The following ANO3 variants were observed in gnomAD, a reference collection of about 807,000 sequenced individuals.
ANO3 encodes the protein anoctamin 3.
In ANO3, 99 loss-of-function variants were observed where a neutral mutation model predicts 144.8. The ratio of observed to expected loss-of-function variants is 0.68; its 90% CI spans 0.58 to 0.81. ANO3 has a LOEUF of 0.81. Ranked by LOEUF, ANO3 falls within the 30% of genes least tolerant of loss-of-function variation. The pLI is 0.00. For synonymous variants in ANO3, 414 were observed against 392.6 expected (o/e 1.05, Z -0.64); for missense variants, 905 against 1,202.2 (o/e 0.75, Z 3.66).
chr11:26,592,782 G>C (rs1292210695), intron 14 of ANO3, among the ~76,000 whole-genome samples: 1 of 151,604 alleles, frequency 6.6e-6, no homozygotes, highest in Non-Finnish European at 1.5e-5. Flanking sequence ...TGAAAGGTTT[G>C]GTGAAGGTTT....
chr11:26,544,273 T>TATATATATATATATATATATATACAC, intron 11 of ANO3, among the ~76,000 whole-genome samples: 66 of 58,490 alleles, frequency 1.1e-3, no homozygotes, highest in Non-Finnish European at 1.6e-3. Flanking sequence ...TATATATATA[T>TATATATATATATATATATATATACAC]ACACACATAC....
intron 1 of ANO3, among the ~76,000 whole-genome samples, chr11:26,372,167 T>C (rs748490677): frequency 1.3e-5 from 2 of 152,198 alleles, no homozygotes; most frequent in Non-Finnish European, 2.9e-5. Flanking sequence ...CATGCTCTTC[T>C]TGTGATAGTC....
At chr11:26,563,603 G>A (rs1444468455) in intron 14 of ANO3, among the ~76,000 whole-genome samples, 1 of 151,776 alleles carries the variant, frequency 6.6e-6, no homozygotes, top group Non-Finnish European at 1.5e-5. Flanking sequence ...ACTCCATTAA[G>A]ATCTAATATC....
chr11:26,601,506 C>G (rs1048802089), intron 17 of ANO3, among the ~76,000 whole-genome samples: 2 of 150,832 alleles, frequency 1.3e-5, no homozygotes, highest in African/African-American at 4.9e-5. Flanking sequence ...AATTTATGCT[C>G]TTGACTCATA....
At chr11:26,605,874 A>T (rs1049112999) in intron 17 of ANO3, among the ~76,000 whole-genome samples, 1 of 76,688 alleles carries the variant, frequency 1.3e-5, no homozygotes, top group Non-Finnish European at 3.3e-5. Flanking sequence ...TTAATCTTTT[A>T]AAAAAAAACC....
chr11:26,443,135 GCTT>G (rs1858581583), intron 2 of ANO3, among the ~76,000 whole-genome samples: 1 of 151,992 alleles, frequency 6.6e-6, no homozygotes, highest in Non-Finnish European at 1.5e-5. Flanking sequence ...CCATATGGTT[GCTT>G]CTTTTTCTGG....
intron 14 of ANO3, among the ~76,000 whole-genome samples, chr11:26,575,355 G>T (rs1021471301): frequency 4.0e-5 from 6 of 151,542 alleles, no homozygotes; most frequent in Non-Finnish European, 7.4e-5. Flanking sequence ...TTAAACAATT[G>T]CTATCTCATT....
In ANO3 at chr11:26,565,625, G is replaced by T. The variant is rs985596895; in HGVS notation, c.1447+5846G>T. ...AATCTGTTATTCCGTGGCTGTTGTT[G>T]GGTAGATTCAAAGGAGGGGAATGAC... On this transcript the variant is annotated intron_variant, in intron 14 of 26. Transcript: ENST00000256737. 2.5e-6 allele frequency: 4 copies of T among 1,612,162 alleles called. No homozygotes were observed. In the African/African-American group the frequency reaches 5.4e-5, roughly 22 times the overall value.
At chr11:26,283,226 T>C (rs1032393378) in intron 1 of ANO3, among the ~76,000 whole-genome samples, 6 of 150,026 alleles carry the variant, frequency 4.0e-5, no homozygotes, top group Non-Finnish European at 8.9e-5. Flanking sequence ...TCACATTTTT[T>C]CGTGTAGGAG....
At chr11:26,425,521 C>T (rs1388231823) in intron 1 of ANO3, among the ~76,000 whole-genome samples, 1 of 151,946 alleles carries the variant, frequency 6.6e-6, no homozygotes, top group Middle Eastern at 3.4e-3. Flanking sequence ...TTTTTTTTAT[C>T]TTAAGGTAAA....
intron 1 of ANO3, among the ~76,000 whole-genome samples, chr11:26,347,034 A>C (rs958024613): frequency 2.1e-4 from 32 of 152,344 alleles, no homozygotes; most frequent in African/African-American, 7.5e-4. Context: ...ATGTTTTGGA[A>C]GTATTTTAAT....
intron 12 of ANO3, 84 bp downstream of exon 12, chr11:26,547,634 A>T (rs972063928): frequency 1.3e-5 from 17 of 1,310,086 alleles, no homozygotes; most frequent in Non-Finnish European, 4.3e-6. Flanking sequence ...ACTATAAAAA[A>T]TCAAATGGTT....
rs558335626 is a variant in ANO3 at position 26,401,680 on chromosome 11, C to T, written c.47-40238C>T. Among the ~76,000 whole-genome samples the T allele has an allele frequency of 1.7e-4, 26 of 152,030 alleles. No individual in the cohort carries two copies. In the South Asian group the frequency reaches 3.7e-3, roughly 22 times the overall value. ...TCACTTGAGGTCAGGAGTTCGAGACCAGCCTGGCCAAAATGGTAAAACTCC... is the reference window on the plus strand; with the variant it reads ...TCACTTGAGGTCAGGAGTTCGAGACTAGCCTGGCCAAAATGGTAAAACTCC... On this transcript the variant is annotated intron_variant, in intron 1 of 26. Transcript: ENST00000256737.
intron 1 of ANO3, among the ~76,000 whole-genome samples, chr11:26,253,505 C>T (rs1025613941): frequency 6.6e-6 from 1 of 150,712 alleles, no homozygotes; most frequent in African/African-American, 2.4e-5. Flanking sequence ...ACCACCATGA[C>T]ACAAGTTTAC....
At chr11:26,595,843 G>T (rs1851611177) in intron 14 of ANO3, among the ~76,000 whole-genome samples, 1 of 152,066 alleles carries the variant, frequency 6.6e-6, no homozygotes, top group African/African-American at 2.4e-5. Flanking sequence ...TTTTGATTTA[G>T]GATAGCTCTG....
intron 1 of ANO3, among the ~76,000 whole-genome samples, chr11:26,262,891 T>G (rs1853223395): frequency 6.6e-6 from 1 of 152,200 alleles, no homozygotes; most frequent in African/African-American, 2.4e-5. Context: ...CTGTGAGAAA[T>G]AAATTGTTGT....
intron 4 of ANO3, among the ~76,000 whole-genome samples, chr11:26,482,426 ATGTGTGTGTG>A (rs58664691): frequency 0.13 from 17,790 of 141,022 alleles, 1,144 homozygotes; most frequent in Middle Eastern, 0.21. Flanking sequence ...ACACAGATAT[ATGTGTGTGTG>A]TGTGTGTGTG....
chr11:26,656,594 T>C, intron 26 of ANO3, 113 bp downstream of exon 26: 1 of 708,940 alleles, frequency 1.4e-6, no homozygotes, highest in East Asian at 2.5e-5. Context: ...CTTAAGTAGG[T>C]CCCGTAAAAG....
intron 20 of ANO3, among the ~76,000 whole-genome samples, chr11:26,638,536 G>A (rs533255209): frequency 2.7e-4 from 41 of 152,310 alleles, no homozygotes; most frequent in East Asian, 3.9e-4. Context: ...AAATACCATA[G>A]GGTATGTGGG....
Sources: gnomAD v4.1 joint callset for allele counts (sites outside exome capture counted in the v4.1 genomes callset) on GRCh38, gnomAD v4.1.1 for gene constraint, MANE v1.5 for transcripts, NCBI Gene and HGNC (gene_info 2026-07-23, HGNC 2026-07-21) for gene names.